The following FAM171B variants were observed in gnomAD, a reference collection of about 807,000 sequenced individuals.
FAM171B encodes protein FAM171B.
A neutral mutation model predicts 75.6 loss-of-function variants in FAM171B; 19 were observed. That is an observed-to-expected ratio of 0.25 (90% confidence interval 0.18 to 0.37). FAM171B has a LOEUF of 0.37. FAM171B is among the 10% of genes least tolerant of loss of function. The pLI is 1.00. For missense variants in FAM171B, 848 were observed against 982.4 expected, an observed-to-expected ratio of 0.86 and a Z score of 1.83; for synonymous variants, 367 against 361.7, an observed-to-expected ratio of 1.01 and a Z score of -0.17.
At chr2:186,750,829 G>T (rs191342655) in intron 4 of FAM171B, among the ~76,000 whole-genome samples, 1 of 152,096 alleles carries the variant, frequency 6.6e-6, no homozygotes, top group African/African-American at 2.4e-5. Context: ...GTGAGATGGG[G>T]TTTTTTTGGT....
chr2:186,698,592 A>G (rs1689613178), intron 1 of FAM171B, among the ~76,000 whole-genome samples: 1 of 152,240 alleles, frequency 6.6e-6, no homozygotes, highest in African/African-American at 2.4e-5. Flanking sequence ...CATAAAATGT[A>G]TAATTATCAC....
At chr2:186,731,256 A>G (rs1055195167) in intron 1 of FAM171B, among the ~76,000 whole-genome samples, 1 of 152,212 alleles carries the variant, frequency 6.6e-6, no homozygotes, top group African/African-American at 2.4e-5. Flanking sequence ...GCTACAAGAA[A>G]TGAAAGGGCT....
At chr2:186,696,942 T>C (rs1185097056) in intron 1 of FAM171B, among the ~76,000 whole-genome samples, 2 of 152,186 alleles carry the variant, frequency 1.3e-5, no homozygotes, top group African/African-American at 4.8e-5. Context: ...GCTATATTTC[T>C]AGTATCTCGA....
At chr2:186,698,911 T>C (rs1689617513) in intron 1 of FAM171B, among the ~76,000 whole-genome samples, 1 of 152,252 alleles carries the variant, frequency 6.6e-6, no homozygotes, top group South Asian at 2.1e-4. Flanking sequence ...TGGCTTATTT[T>C]ACTTAATGTC....
rs150622717 is a variant in FAM171B at position 186,740,501 on chromosome 2, A to T, written c.472+40A>T. ...AGTTTTTTTTTGTTTGTTTTTGCTA[A>T]ATGTAAATGAATTATTTTCTCTGTT... On this transcript the variant is annotated intron_variant, in intron 2 of 7. Transcript: ENST00000304698. The T allele has an allele frequency of 4.5e-5, 66 of 1,482,528 alleles. No homozygotes were observed. In the Middle Eastern group the frequency reaches 8.8e-4, roughly 20 times the overall value. 91.8% of individuals were successfully genotyped at this position (1,482,528 alleles called of 1,614,324 possible). A position where few individuals can be genotyped will look rare whatever the true frequency, so the allele number is the denominator to read the frequency against.
chr2:186,759,208 A>G (rs1690579825), intron 6 of FAM171B, among the ~76,000 whole-genome samples: 1 of 152,148 alleles, frequency 6.6e-6, no homozygotes, highest in African/African-American at 2.4e-5. Flanking sequence ...GTTGATAGAC[A>G]CTTAGATCAC....
chr2:186,700,079 T>G (rs1263766476), intron 1 of FAM171B, among the ~76,000 whole-genome samples: 1 of 152,018 alleles, frequency 6.6e-6, no homozygotes. Context: ...TTTTGTTGTT[T>G]TTTTTTTAGC....
rs1044543271 is a variant in FAM171B at position 186,755,130 on chromosome 2, A to G, written c.1012+1081A>G. 5.3e-5 allele frequency among the ~76,000 whole-genome samples: 8 copies of G among 152,174 alleles called. 1 individual carries two copies. The highest frequency in any genetic ancestry group is 4.6e-4 in the Admixed American group (7 of 15,274). Reference sequence around the variant, plus strand: ...TGTACATTCCTCAAAATATTCAAACATTGCATATTTTAGCCATTAAATTTT... The same window carrying G: ...TGTACATTCCTCAAAATATTCAAACGTTGCATATTTTAGCCATTAAATTTT... On this transcript the variant is annotated intron_variant, in intron 6 of 7. Coordinates refer to ENST00000304698, the MANE Select transcript of FAM171B (RefSeq NM_177454.4).
chr2:186,745,274 T>G (rs1690350516), intron 3 of FAM171B, among the ~76,000 whole-genome samples: 1 of 152,222 alleles, frequency 6.6e-6, no homozygotes, highest in Non-Finnish European at 1.5e-5. Flanking sequence ...TTCTTCACAG[T>G]CCCTCTTCAG....
rs377380606 is a variant in FAM171B at position 186,742,567 on chromosome 2, AT to A, written c.473-915del. ...CCATATTTTCTTTAAATTCTTTGAAATATCTCAAAATAATAAAAGTATTTCC... is the reference window on the plus strand; with the variant it reads ...CCATATTTTCTTTAAATTCTTTGAAAATCTCAAAATAATAAAAGTATTTCC... On this transcript the variant is annotated intron_variant, in intron 2 of 7. Transcript: ENST00000304698. 4.2e-3 allele frequency among the ~76,000 whole-genome samples: 642 copies of A among 152,212 alleles called. 5 individuals carry two copies. The highest frequency in any genetic ancestry group is 0.015 in the African/African-American group (611 of 41,540).
intron 1 of FAM171B, among the ~76,000 whole-genome samples, chr2:186,715,199 G>A (rs1385783334): frequency 6.6e-6 from 1 of 152,068 alleles, no homozygotes; most frequent in Admixed American, 6.6e-5. Flanking sequence ...TTGTGTGTGT[G>A]TGTGTGTTTT....
intron 1 of FAM171B, among the ~76,000 whole-genome samples, chr2:186,727,615 T>G (rs1299851956): frequency 1.3e-5 from 2 of 152,094 alleles, no homozygotes; most frequent in Non-Finnish European, 2.9e-5. Flanking sequence ...TGGGTCAGAG[T>G]TGGCAGGCAG....
chr2:186,706,208 C>G (rs750668076), intron 1 of FAM171B, among the ~76,000 whole-genome samples: 1 of 152,134 alleles, frequency 6.6e-6, no homozygotes. Flanking sequence ...ACCTTTTCCT[C>G]TCTCCTGAGA....
chr2:186,734,752 G>C (rs1281788214), intron 1 of FAM171B, among the ~76,000 whole-genome samples: 1 of 152,202 alleles, frequency 6.6e-6, no homozygotes, highest in Non-Finnish European at 1.5e-5. Context: ...GCAATCCTGT[G>C]TGGAGCCACC....
chr2:186,739,283 C>T (rs1234353134), intron 1 of FAM171B, among the ~76,000 whole-genome samples: 1 of 152,070 alleles, frequency 6.6e-6, no homozygotes, highest in African/African-American at 2.4e-5. Flanking sequence ...TGGTGGTATA[C>T]TTAGGTTATA....
At chr2:186,703,142 C>T (rs958624597) in intron 1 of FAM171B, among the ~76,000 whole-genome samples, 1 of 151,776 alleles carries the variant, frequency 6.6e-6, no homozygotes, top group Admixed American at 6.6e-5. Context: ...TGCAGTGGTG[C>T]AGTCTCAGCT....
intron 1 of FAM171B, among the ~76,000 whole-genome samples, chr2:186,733,580 T>C (rs548864533): frequency 3.9e-5 from 6 of 152,222 alleles, no homozygotes; most frequent in Non-Finnish European, 7.3e-5. Flanking sequence ...CTCACACTAC[T>C]GGCCTGGATC....
chr2:186,743,990 G>T (rs1375356855), intron 3 of FAM171B, among the ~76,000 whole-genome samples: 1 of 152,080 alleles, frequency 6.6e-6, no homozygotes, highest in African/African-American at 2.4e-5. Context: ...CCTAAGACTT[G>T]GTAGTTAAGT....
chr2:186,713,466 A>G (rs1689836093), intron 1 of FAM171B, among the ~76,000 whole-genome samples: 1 of 152,242 alleles, frequency 6.6e-6, no homozygotes, highest in Non-Finnish European at 1.5e-5. Context: ...ATACTTATCA[A>G]TAATTATTAG....
Sources: allele counts gnomAD v4.1 joint callset (sites outside exome capture counted in the v4.1 genomes callset), GRCh38; gene constraint gnomAD v4.1.1; transcripts MANE v1.5; gene names NCBI Gene and HGNC (gene_info 2026-07-23, HGNC 2026-07-21).